Variants in PTPRF observed in about 807,000 individuals in gnomAD.
PTPRF encodes protein tyrosine phosphatase receptor type F, also known as receptor-type tyrosine-protein phosphatase F.
PTPRF carries 59 observed loss-of-function variants against 201.8 expected under a neutral mutation model. The ratio of observed to expected loss-of-function variants is 0.29; its 90% confidence interval spans 0.24 to 0.36. The LOEUF (loss-of-function observed/expected upper bound fraction) is 0.36, where lower values mean the gene tolerates loss of function less well. PTPRF is among the 10% of genes least tolerant of loss of function. PTPRF has a pLI of 1.00. For synonymous variants in PTPRF, 1,088 were observed against 1,089.7 expected, an observed-to-expected ratio of 1.00 and a Z score of 0.03; for missense variants, 2,132 against 2,690.5, an observed-to-expected ratio of 0.79 and a Z score of 4.59.
At chr1:43,607,604 T>A (rs1655438941) in intron 21 of PTPRF, among the ~76,000 whole-genome samples, 1 of 152,226 alleles carries the variant, frequency 6.6e-6, no homozygotes, top group African/African-American at 2.4e-5. Flanking sequence ...TTTGTCACTC[T>A]CAGTTTAAAA....
intron 5 of PTPRF, among the ~76,000 whole-genome samples, chr1:43,564,930 A>G (rs571078522): frequency 5.3e-4 from 80 of 152,158 alleles, no homozygotes; most frequent in African/African-American, 1.9e-3. Context: ...GAGCTGGACA[A>G]AGAGACCTGT....
At chr1:43,620,605 A>C (rs778306097) in intron 31 of PTPRF, 26 bp downstream of exon 31, 3 of 1,609,048 alleles carry the variant, frequency 1.9e-6, no homozygotes, top group South Asian at 2.2e-5. Flanking sequence ...GAGTGTGTCC[A>C]TAACGCTGCC....
chr1:43,576,626 C>G (rs773913889), intron 6 of PTPRF, among the ~76,000 whole-genome samples: 2 of 152,234 alleles, frequency 1.3e-5, no homozygotes, highest in Non-Finnish European at 2.9e-5. Flanking sequence ...ATCTGACTTA[C>G]CACCTATGTG....
chr1:43,587,076 T>C (rs1649343658), intron 7 of PTPRF, among the ~76,000 whole-genome samples: 3 of 152,218 alleles, frequency 2.0e-5, no homozygotes, highest in Admixed American at 2.0e-4. Flanking sequence ...TCTCTGGGGC[T>C]GCCAGGGTTT....
intron 31 of PTPRF, 76 bp downstream of exon 31, chr1:43,620,655 T>G: frequency 6.4e-7 from 1 of 1,570,840 alleles, no homozygotes; most frequent in Non-Finnish European, 8.7e-7. Context: ...CATGGTACCT[T>G]AGCTCAAGCT....
At chr1:43,526,137 G>A (rs894205465), upstream of PTPRF, among the ~76,000 whole-genome samples, 1 of 152,182 alleles carries the variant, frequency 6.6e-6, no homozygotes, top group Non-Finnish European at 1.5e-5. Flanking sequence ...CAGAGCGGAA[G>A]GAGGAGAGGT....
chr1:43,620,635 T>C, intron 31 of PTPRF, 56 bp downstream of exon 31: 1 of 1,590,808 alleles, frequency 6.3e-7, no homozygotes, highest in Non-Finnish European at 8.6e-7. Flanking sequence ...GCTGGGTGGA[T>C]GGCTGCCTGC....
Position 43,546,681 on chromosome 1 carries a change from C to T in PTPRF, c.91+1515C>T, listed in dbSNP as rs956167375. Among the ~76,000 whole-genome samples the T allele has an allele frequency of 4.6e-5, 7 of 152,196 alleles. No individual in the cohort carries two copies. The highest frequency in any genetic ancestry group is 2.1e-4 in the South Asian group (1 of 4,824). On this transcript the variant is annotated intron_variant, in intron 3 of 33. Transcript: ENST00000359947. This position sits in a 1 kb window ranked among gnomAD's most constrained non-coding sequence, Gnocchi z 4.2. ...AACACATCCTGGGAGAAGAGCTGCC[C>T]TCCTCCTCCTGCCTCAGACCCAACG...
At chr1:43,541,400 G>A (rs1206297212) in intron 2 of PTPRF, among the ~76,000 whole-genome samples, 2 of 152,212 alleles carry the variant, frequency 1.3e-5, no homozygotes, top group Non-Finnish European at 2.9e-5. Flanking sequence ...TGGGCTGCAT[G>A]GAGGTGACAT....
chr1:43,563,195 T>A (rs1040948123), intron 5 of PTPRF, among the ~76,000 whole-genome samples: 7 of 130,922 alleles, frequency 5.3e-5, no homozygotes, highest in African/African-American at 8.4e-5. Context: ...AAAAAAAAAA[T>A]AAGATTAGAA....
intron 33 of PTPRF, 70 bp downstream of exon 33, chr1:43,621,302 C>T: frequency 3.8e-6 from 6 of 1,568,026 alleles, no homozygotes; most frequent in Non-Finnish European, 5.2e-6. Context: ...GCTTTAGCAA[C>T]AGTTTGATGC....
At chr1:43,589,208 A>G (rs563711864) in intron 8 of PTPRF, among the ~76,000 whole-genome samples, 4 of 152,116 alleles carry the variant, frequency 2.6e-5, no homozygotes, top group Admixed American at 1.3e-4. Flanking sequence ...GTTAAGGCAT[A>G]TTGAGTTTCT....
Position 43,613,629 on chromosome 1 carries a change from C to T in PTPRF, c.3985C>T (p.His1329Tyr). 1 of 1,614,016 alleles carries T rather than the reference C, an allele frequency of 6.2e-7. No individual in the cohort carries two copies. The highest frequency in any genetic ancestry group is 8.5e-7 in the Non-Finnish European group (1 of 1,179,858). ...CCTACCTCCCCTAGGTATGCGAGAC[C>T]ACCCACCCATCCCCATCACCGACCT... ...LNYQTPGMRD[H>Y]PPIPITDLAD... The change falls in exon 23 of 34, where the codon CAC becomes TAC. Residue 1329 changes from histidine to tyrosine, a missense_variant. Physicochemically the swap from His to Tyr is moderately conservative, Grantham distance 83. Coordinates refer to ENST00000359947, the MANE Select transcript of PTPRF (RefSeq NM_002840.5).
rs1645210777 is a variant in PTPRF at position 43,554,267 on chromosome 1, T to C, written c.379+326T>C. Reference sequence around the variant, plus strand: ...TGGGTTACGTGGTTATGGCTGTGGCTGTTTGGCAGTGAACCGGATTTCCAT... The same window carrying C: ...TGGGTTACGTGGTTATGGCTGTGGCCGTTTGGCAGTGAACCGGATTTCCAT... On this transcript the variant is annotated intron_variant, in intron 5 of 33. Coordinates refer to ENST00000359947, the MANE Select transcript of PTPRF (RefSeq NM_002840.5). This position sits in a 1 kb window ranked among gnomAD's most constrained non-coding sequence, Gnocchi z 4.1. Among the ~76,000 whole-genome samples the C allele has an allele frequency of 6.6e-6, 1 of 152,182 alleles. No homozygotes were observed. Among genetic ancestry groups the C allele is most frequent in the Non-Finnish European group, 1.5e-5 (1 of 68,030 alleles).
chr1:43,585,715 G>A lies in PTPRF; in HGVS notation c.680-3016G>A, dbSNP rs768909256. 1.3e-4 allele frequency among the ~76,000 whole-genome samples: 20 copies of A among 152,206 alleles called. 1 individual carries two copies. The highest frequency in any genetic ancestry group is 2.4e-4 in the Non-Finnish European group (16 of 68,046). ...CCTCCAGGGCTGATCCATGAAGTCC[G>A]CCTTTTGGCCTGAAGACCCTGTCCT... On this transcript the variant is annotated intron_variant, in intron 7 of 33. Transcript: ENST00000359947.
intron 5 of PTPRF, among the ~76,000 whole-genome samples, chr1:43,564,548 A>G (rs1646028538): frequency 6.6e-6 from 1 of 151,888 alleles, no homozygotes; most frequent in African/African-American, 2.4e-5. Flanking sequence ...GTGCCCCTCC[A>G]CATGCACATG....
At chr1:43,571,668 A>C (rs1380151741) in intron 6 of PTPRF, among the ~76,000 whole-genome samples, 1 of 152,100 alleles carries the variant, frequency 6.6e-6, no homozygotes, top group Non-Finnish European at 1.5e-5. Flanking sequence ...GGCACCAGAC[A>C]CTGCTTTCCC....
intron 7 of PTPRF, among the ~76,000 whole-genome samples, chr1:43,584,803 G>GC (rs1180102558): frequency 6.6e-6 from 1 of 152,178 alleles, no homozygotes; most frequent in African/African-American, 2.4e-5. Context: ...AGTGGATCCT[G>GC]CCCCTCATCC....
At chr1:43,543,362 C>T (rs2782640) in intron 2 of PTPRF, among the ~76,000 whole-genome samples, 99,299 of 152,160 alleles carry the variant, frequency 0.65, 32,581 homozygotes, top group South Asian at 0.83. Context: ...GCTCTGGGAT[C>T]GTGGAGCAGA....
Sources: allele counts gnomAD v4.1 joint callset (sites outside exome capture counted in the v4.1 genomes callset), GRCh38; gene constraint gnomAD v4.1.1; non-coding constraint Gnocchi (gnomAD v3.1); transcripts MANE v1.5; gene names NCBI Gene and HGNC (gene_info 2026-07-23, HGNC 2026-07-21).